ERG: variants seen among roughly 807,000 people sequenced by gnomAD.
The protein encoded by ERG is ETS transcription factor ERG, also known as transcriptional regulator ERG.
ERG carries 9 observed loss-of-function variants against 55.3 expected under a neutral mutation model. The observed-to-expected ratio is 0.16, with a 90% CI of 0.10 to 0.28. The LOEUF is 0.28. ERG is among the 10% of genes least tolerant of loss of function. The pLI, the probability that ERG is intolerant of heterozygous loss-of-function variation, is 1.00. For synonymous variants in ERG, 223 were observed against 237.3 expected, an observed-to-expected ratio of 0.94 and a Z score of 0.55; for missense variants, 434 against 631.6, an observed-to-expected ratio of 0.69 and a Z score of 3.35.
chr21:38,620,947 C>T (rs909114993), intron 1 of ERG, among the ~76,000 whole-genome samples: 42 of 152,282 alleles, frequency 2.8e-4, no homozygotes, highest in African/African-American at 9.9e-4. Flanking sequence ...CTCATGGCTT[C>T]CCAGAAAAAA....
At position 38,383,394 on chromosome 21, in the gene ERG, GC is replaced by G; in HGVS notation, c.*8del. The G allele has an allele frequency of 6.7e-7, 1 of 1,484,872 alleles. No individual in the cohort carries two copies. Among genetic ancestry groups the G allele is most frequent in the Non-Finnish European group, 9.0e-7 (1 of 1,115,520 alleles). 92.0% of individuals were successfully genotyped at this position (1,484,872 alleles called of 1,614,324 possible). On this transcript the variant is annotated 3_prime_UTR_variant, in exon 10 of 10. Transcript: ENST00000288319. This position sits in a 1 kb window ranked among gnomAD's most constrained non-coding sequence, Gnocchi z 5.7. ...ATGCACGCTGATGGGAAAAGCCTCC[GC>G]CAGGTCTTTAGTAGTAAGTGCCCAG...
chr21:38,607,963 T>A (rs2146923456), intron 1 of ERG, among the ~76,000 whole-genome samples: 1 of 152,240 alleles, frequency 6.6e-6, no homozygotes, highest in East Asian at 1.9e-4. Flanking sequence ...CTAACCAGAC[T>A]AAAATTAGAG....
At chr21:38,639,728 A>G (rs897737780) in intron 1 of ERG, among the ~76,000 whole-genome samples, 1 of 152,350 alleles carries the variant, frequency 6.6e-6, no homozygotes, top group Non-Finnish European at 1.5e-5. Flanking sequence ...GATAACAACA[A>G]TAAGAGCTGG....
chr21:38,654,267 C>T (rs2060505423), intron 1 of ERG, among the ~76,000 whole-genome samples: 1 of 152,244 alleles, frequency 6.6e-6, no homozygotes, highest in African/African-American at 2.4e-5. Context: ...CACCTGAGGT[C>T]AGGAGTTTGA....
chr21:38,480,416 C>A (rs2059226616), intron 1 of ERG, among the ~76,000 whole-genome samples: 1 of 151,902 alleles, frequency 6.6e-6, no homozygotes, highest in Non-Finnish European at 1.5e-5. Flanking sequence ...AGGGACCAAC[C>A]CAGCCAACAC....
At position 38,469,908 on chromosome 21, in the gene ERG, G is replaced by A. The variant is rs16996356; in HGVS notation, c.19-24287C>T. ...TAACACTTGCCATATTTATTACAAC[G>A]ATTTCCCCAGCAATTTGTCTTCTTA... On this transcript the variant is annotated intron_variant, in intron 1 of 9. Transcript: ENST00000288319. Among the ~76,000 whole-genome samples the A allele has an allele frequency of 8.9e-3, 1,356 of 152,234 alleles. 17 individuals are homozygous for A. Among genetic ancestry groups the A allele is most frequent in the African/African-American group, 0.031 (1,279 of 41,524 alleles).
intron 1 of ERG, among the ~76,000 whole-genome samples, chr21:38,640,629 T>C (rs138947791): frequency 0.05 from 7,552 of 152,284 alleles, 381 homozygotes; most frequent in African/African-American, 0.13. Context: ...CCATGTAAGA[T>C]GTGCCTTTCA....
chr21:38,572,415 G>A lies in ERG; in HGVS notation c.-41+3247C>T, dbSNP rs16996520. Among the ~76,000 whole-genome samples, 1,438 of 149,452 alleles carry A rather than the reference G, an allele frequency of 9.6e-3. 25 individuals are homozygous for A. Among genetic ancestry groups the A allele is most frequent in the African/African-American group, 0.033 (1,336 of 40,588 alleles). On this transcript the variant is annotated intron_variant, in intron 2 of 8. Coordinates refer to the ERG transcript ENST00000398897. The stretch of plus-strand genomic sequence containing the variant: ...CTTCCTTCCCAGAAATCATAGCAGC[G>A]TTCCTCAGCCCAAAGCCAGAAGAAA...
intron 1 of ERG, among the ~76,000 whole-genome samples, chr21:38,609,627 T>C (rs1049992282): frequency 6.6e-6 from 1 of 152,216 alleles, no homozygotes; most frequent in African/African-American, 2.4e-5. Context: ...CAAAAGGATA[T>C]GTATAGAATA....
At chr21:38,628,003 C>T (rs2060335583) in intron 1 of ERG, among the ~76,000 whole-genome samples, 1 of 143,606 alleles carries the variant, frequency 7.0e-6, no homozygotes, top group African/African-American at 2.7e-5. Context: ...GTCTGGAGTG[C>T]AGTGGTGTGA....
Position 38,478,242 on chromosome 21 carries a change from G to C in ERG, c.18+20121C>G, listed in dbSNP as rs375628830. On this transcript the variant is annotated intron_variant, in intron 1 of 9. Coordinates refer to ENST00000288319, the MANE Select transcript of ERG (RefSeq NM_182918.4). The stretch of plus-strand genomic sequence containing the variant: ...ACAAGATATCCTGGCAACAGGTCTT[G>C]TTTTCATGGTTTGCATTTACATGCT... Among the ~76,000 whole-genome samples, 419 of 152,334 alleles carry C rather than the reference G, an allele frequency of 2.8e-3. 13 individuals are homozygous for C. The South Asian group carries it at 0.07, about 25-fold the overall frequency.
chr21:38,472,810 C>T (rs934021039), intron 1 of ERG, among the ~76,000 whole-genome samples: 2 of 152,240 alleles, frequency 1.3e-5, no homozygotes, highest in Non-Finnish European at 2.9e-5. Context: ...GTGGGCAATT[C>T]GTGCGCTTGG....
intron 2 of ERG, among the ~76,000 whole-genome samples, chr21:38,562,475 A>ACAATCT (rs1019280593): frequency 2.0e-5 from 3 of 152,260 alleles, no homozygotes; most frequent in East Asian, 1.9e-4. Context: ...TTTGTGGCGC[A>ACAATCT]CAATCTCAAG....
chr21:38,595,826 G>C (rs941412775), intron 1 of ERG, among the ~76,000 whole-genome samples: 6 of 152,190 alleles, frequency 3.9e-5, no homozygotes, highest in Non-Finnish European at 8.8e-5. Flanking sequence ...CACCTGCCTG[G>C]TGAACCAACA....
At chr21:38,437,657 C>T (rs753539616) in intron 2 of ERG, among the ~76,000 whole-genome samples, 60 of 152,176 alleles carry the variant, frequency 3.9e-4, no homozygotes, top group Non-Finnish European at 7.5e-4. Flanking sequence ...ATGGTTTGTC[C>T]GTACCTTGTT....
At chr21:38,389,373 G>C (rs1987861730) in intron 9 of ERG, among the ~76,000 whole-genome samples, 2 of 151,894 alleles carry the variant, frequency 1.3e-5, no homozygotes, top group African/African-American at 4.8e-5. Flanking sequence ...ACATTCTATG[G>C]GGGGCATTCT....
chr21:38,409,408 A>G (rs927957816), intron 3 of ERG, among the ~76,000 whole-genome samples: 9 of 149,752 alleles, frequency 6.0e-5, no homozygotes, highest in Non-Finnish European at 1.2e-4. Context: ...GCTTGAATCC[A>G]GGAGGCAGAG....
chr21:38,446,063 C>T (rs887558212), intron 1 of ERG, among the ~76,000 whole-genome samples: 9 of 151,720 alleles, frequency 5.9e-5, no homozygotes, highest in Non-Finnish European at 1.0e-4. Flanking sequence ...TGCCACATTC[C>T]TGGGGATTTT....
intron 2 of ERG, among the ~76,000 whole-genome samples, chr21:38,434,723 TC>T (rs1466187765): frequency 6.6e-6 from 1 of 152,186 alleles, no homozygotes; most frequent in Admixed American, 6.5e-5. Flanking sequence ...ATGGATGCTT[TC>T]TTGAGGTTGC....
Sources: gnomAD v4.1 joint callset for allele counts (sites outside exome capture counted in the v4.1 genomes callset) on GRCh38, gnomAD v4.1.1 for gene constraint, Gnocchi (gnomAD v3.1) non-coding constraint, MANE v1.5 for transcripts, NCBI Gene and HGNC (gene_info 2026-07-23, HGNC 2026-07-21) for gene names.